Variants in DOCK8 observed in about 807,000 individuals in gnomAD.
DOCK8 encodes the protein dedicator of cytokinesis protein 8.
DOCK8 carries 141 observed loss-of-function variants against 245.6 expected under a neutral mutation model. The ratio of observed to expected loss-of-function variants is 0.57; its 90% CI spans 0.50 to 0.66. DOCK8 has a LOEUF of 0.66. Among genes scored for constraint, DOCK8 ranks in the 30% least tolerant of loss-of-function variants. DOCK8 has a pLI of 0.00. For synonymous variants in DOCK8, 1,168 were observed against 970.2 expected (o/e 1.20, Z -3.79); for missense variants, 2,965 against 2,603.4 (o/e 1.14, Z -3.02).
intron 4 of DOCK8, among the ~76,000 whole-genome samples, chr9:303,151 C>T (rs543073948): frequency 1.5e-4 from 23 of 151,528 alleles, no homozygotes; most frequent in African/African-American, 5.1e-4. Flanking sequence ...CAGAACGAGA[C>T]CCTGTCTCAA....
At chr9:435,070 AT>A in intron 39 of DOCK8, 95 bp downstream of exon 39, 1 of 1,466,822 alleles carries the variant, frequency 6.8e-7, no homozygotes, top group Non-Finnish European at 9.3e-7. Context: ...GTCTAGATAC[AT>A]TTTTGGTTAT....
At chr9:458,151 G>A (rs1034264333) in intron 46 of DOCK8, 2 of 152,348 alleles carry the variant, frequency 1.3e-5, no homozygotes, top group South Asian at 4.1e-4. Context: ...ATGTAGAGCT[G>A]TGTAGTGGCC....
At chr9:383,279 A>G (rs1682167330) in intron 22 of DOCK8, among the ~76,000 whole-genome samples, 1 of 152,144 alleles carries the variant, frequency 6.6e-6, no homozygotes, top group African/African-American at 2.4e-5. Flanking sequence ...TCACACCTGT[A>G]ATCTCAGCAC....
At chr9:318,744 G>A (rs1301820479) in intron 7 of DOCK8, among the ~76,000 whole-genome samples, 2 of 152,186 alleles carry the variant, frequency 1.3e-5, no homozygotes, top group African/African-American at 2.4e-5. Flanking sequence ...TCTGGTTGGC[G>A]GGAGGACTGA....
intron 4 of DOCK8, among the ~76,000 whole-genome samples, chr9:302,918 A>G (rs2049621063): frequency 6.6e-6 from 1 of 152,082 alleles, no homozygotes; most frequent in Admixed American, 6.6e-5. Context: ...ATTTGAAGCC[A>G]GGAGGTTGAG....
chr9:413,153 A>T (rs1222919515), intron 28 of DOCK8, among the ~76,000 whole-genome samples: 1 of 152,198 alleles, frequency 6.6e-6, no homozygotes, highest in South Asian at 2.1e-4. Flanking sequence ...AAACAATTCA[A>T]TGGGGGAAAA....
At chr9:318,340 G>C (rs2050438760) in intron 7 of DOCK8, among the ~76,000 whole-genome samples, 1 of 152,210 alleles carries the variant, frequency 6.6e-6, no homozygotes, top group Non-Finnish European at 1.5e-5. Flanking sequence ...GCGGCCCCTG[G>C]TTTGCAGTGA....
At chr9:439,838 C>T (rs1268458816) in intron 40 of DOCK8, among the ~76,000 whole-genome samples, 1 of 152,152 alleles carries the variant, frequency 6.6e-6, no homozygotes, top group South Asian at 2.1e-4. Context: ...CTCCTAGCCA[C>T]TGTGCAGTCT....
At chr9:273,688 CTT>C (rs774289439) in intron 2 of DOCK8, among the ~76,000 whole-genome samples, 18 of 140,052 alleles carry the variant, frequency 1.3e-4, no homozygotes, top group Middle Eastern at 3.6e-3. Context: ...AGCTTTTACT[CTT>C]TTTTTTTTTT....
At chr9:368,634 T>C (rs931441511) in intron 15 of DOCK8, 1 of 171,892 alleles carries the variant, frequency 5.8e-6, no homozygotes, top group African/African-American at 2.4e-5. Context: ...ATCTTTGTTC[T>C]GAGGCAAAAT....
chr9:323,630 C>A (rs920582545), intron 7 of DOCK8, among the ~76,000 whole-genome samples: 1 of 152,190 alleles, frequency 6.6e-6, no homozygotes, highest in Non-Finnish European at 1.5e-5. Context: ...TCTTCCCAAA[C>A]TGAAACTCTG....
At chr9:400,246 T>TCCA (rs2054798950) in intron 26 of DOCK8, among the ~76,000 whole-genome samples, 1 of 40,234 alleles carries the variant, frequency 2.5e-5, no homozygotes, top group Non-Finnish European at 4.7e-5. Flanking sequence ...CACCACCACC[T>TCCA]CCACCATCAC....
intron 46 of DOCK8, 69 bp downstream of exon 46, chr9:452,186 C>T: frequency 1.0e-6 from 1 of 996,008 alleles, no homozygotes; most frequent in South Asian, 1.3e-5. Context: ...AGACCAGCAG[C>T]TTCAGCATCA....
intron 9 of DOCK8, 102 bp downstream of exon 9, chr9:328,273 T>C (rs919316066): frequency 7.2e-7 from 1 of 1,386,630 alleles, no homozygotes; most frequent in South Asian, 1.2e-5. Context: ...TGTCCACATA[T>C]CCTCTGAGAT....
intron 4 of DOCK8, among the ~76,000 whole-genome samples, chr9:300,819 G>C (rs1046199213): frequency 3.3e-5 from 5 of 152,142 alleles, no homozygotes; most frequent in Non-Finnish European, 7.4e-5. Context: ...ATCTTGAACA[G>C]ACCAATAGTG....
chr9:443,579 A>T (rs2057158864), intron 43 of DOCK8, 63 bp downstream of exon 43: 1 of 1,296,960 alleles, frequency 7.7e-7, no homozygotes, highest in African/African-American at 1.5e-5. Flanking sequence ...CTACCCAAGA[A>T]TACCTAATGA....
intron 3 of DOCK8, among the ~76,000 whole-genome samples, chr9:288,956 C>A (rs1376449162): frequency 6.6e-6 from 1 of 152,162 alleles, no homozygotes; most frequent in Non-Finnish European, 1.5e-5. Context: ...GATTTCAAGA[C>A]TCTGAAGCAC....
Position 325,757 on chromosome 9 carries a change from T to C in DOCK8, c.894+20T>C, listed in dbSNP as rs1034695400. 7 of 1,604,208 alleles carry C rather than the reference T, an allele frequency of 4.4e-6. No homozygotes were observed. The highest frequency in any genetic ancestry group is 1.7e-4 in the Middle Eastern group (1 of 6,040). On this transcript the variant is annotated intron_variant, in intron 8 of 47. Coordinates refer to ENST00000432829, the MANE Select transcript of DOCK8 (RefSeq NM_203447.4). ...AAAAAGGTAAGAAAGCAAAGAAAAA[T>C]CCATCCCTAAGGCACATATATTGTT...
At chr9:420,341 A>T (rs1482809905) in intron 30 of DOCK8, 60 bp from the exon 31 acceptor site, 3 of 1,599,696 alleles carry the variant, frequency 1.9e-6, no homozygotes, top group African/African-American at 1.3e-5. Flanking sequence ...GTTAAGCCTC[A>T]AATTTTTCTG....
Sources: gnomAD v4.1 joint callset for allele counts (sites outside exome capture counted in the v4.1 genomes callset) on GRCh38, gnomAD v4.1.1 for gene constraint, MANE v1.5 for transcripts, NCBI Gene and HGNC (gene_info 2026-07-23, HGNC 2026-07-21) for gene names.